Variants in MEMO1 observed in about 807,000 individuals in gnomAD.
The protein encoded by MEMO1 is mediator of cell motility 1.
In MEMO1, 6 loss-of-function variants were observed where a neutral mutation model predicts 45.2. The observed-to-expected ratio is 0.13, with a 90% CI of 0.07 to 0.26. MEMO1 has a LOEUF of 0.26. MEMO1 is among the 10% of genes least tolerant of loss of function. The pLI, the probability that MEMO1 is intolerant of heterozygous loss-of-function variation, is 1.00. For missense variants in MEMO1, 184 were observed against 370.5 expected (o/e 0.50, Z 4.13); for synonymous variants, 78 against 124.3 (o/e 0.63, Z 2.48).
At chr2:31,963,203 C>T (rs1416493043) in intron 2 of MEMO1, 1 of 1,547,904 alleles carries the variant, frequency 6.5e-7, no homozygotes, top group South Asian at 1.2e-5. Context: ...AGCTTGCTGA[C>T]TGCACATCTT....
At chr2:31,983,302 GAT>G (rs1670879782) in intron 2 of MEMO1, among the ~76,000 whole-genome samples, 1 of 152,132 alleles carries the variant, frequency 6.6e-6, no homozygotes, top group Non-Finnish European at 1.5e-5. Flanking sequence ...AAAATGGATA[GAT>G]ACAGAAAGAG....
chr2:31,892,454 A>G (rs1309508550), intron 6 of MEMO1, among the ~76,000 whole-genome samples: 1 of 152,168 alleles, frequency 6.6e-6, no homozygotes, highest in Admixed American at 6.5e-5. Flanking sequence ...TCAGAAGAGC[A>G]CCAATTCAAT....
chr2:31,879,896 C>G (rs1000613390), intron 8 of MEMO1, among the ~76,000 whole-genome samples: 1 of 152,142 alleles, frequency 6.6e-6, no homozygotes, highest in African/African-American at 2.4e-5. Context: ...ATCTGTCCCT[C>G]TTATATTCCC....
intron 2 of MEMO1, among the ~76,000 whole-genome samples, chr2:31,976,561 G>C (rs1297501178): frequency 6.6e-6 from 1 of 150,766 alleles, no homozygotes; most frequent in African/African-American, 2.4e-5. Flanking sequence ...CTGGGTGACA[G>C]AGCAAGACTG....
intron 4 of MEMO1, among the ~76,000 whole-genome samples, chr2:31,923,347 T>G (rs1460458257): frequency 1.3e-5 from 2 of 152,150 alleles, no homozygotes; most frequent in Admixed American, 1.3e-4. Context: ...AAGTTCCTTA[T>G]AGACGACAGA....
intron 8 of MEMO1, 76 bp downstream of exon 8, chr2:31,883,310 G>C (rs963593106): frequency 2.0e-6 from 2 of 988,284 alleles, no homozygotes; most frequent in Non-Finnish European, 3.0e-6. Flanking sequence ...ATTTCAACAT[G>C]TTAAGTCTTG....
Position 31,895,000 on chromosome 2 carries a change from C to T in MEMO1, c.438-2866G>A, listed in dbSNP as rs559769793. 3.8e-4 allele frequency among the ~76,000 whole-genome samples: 58 copies of T among 152,144 alleles called. 1 individual carries two copies. In the South Asian group the frequency reaches 0.01, roughly 27 times the overall value. On this transcript the variant is annotated intron_variant, in intron 6 of 9. Transcript: ENST00000404530. ...TAAATTAAGGAATTGCAGGTGGGAA[C>T]CCTACAAAGCCAAGCTTAAAATTAA...
At chr2:31,905,574 G>C (rs1344170386) in intron 6 of MEMO1, among the ~76,000 whole-genome samples, 1 of 152,092 alleles carries the variant, frequency 6.6e-6, no homozygotes, top group African/African-American at 2.4e-5. Context: ...CTTATAAACT[G>C]GCCAAGTTTG....
At chr2:31,895,200 T>A (rs1038147201) in intron 6 of MEMO1, among the ~76,000 whole-genome samples, 2 of 152,046 alleles carry the variant, frequency 1.3e-5, no homozygotes, top group Non-Finnish European at 2.9e-5. Context: ...ACACAAAATG[T>A]CCAGTTCCAA....
intron 2 of MEMO1, among the ~76,000 whole-genome samples, chr2:31,969,460 A>G (rs1669050498): frequency 6.6e-6 from 1 of 151,624 alleles, no homozygotes; most frequent in South Asian, 2.1e-4. Context: ...TATCACACAT[A>G]TGTGTATAAT....
At chr2:32,004,736 G>A (rs1375351856) in intron 2 of MEMO1, among the ~76,000 whole-genome samples, 1 of 152,002 alleles carries the variant, frequency 6.6e-6, no homozygotes. Flanking sequence ...AGACCAACCT[G>A]GACAACATGG....
At chr2:31,971,009 AAAAC>A (rs1669332004) in intron 2 of MEMO1, among the ~76,000 whole-genome samples, 1 of 152,128 alleles carries the variant, frequency 6.6e-6, no homozygotes, top group Admixed American at 6.6e-5. Flanking sequence ...ATCTCAAAAT[AAAAC>A]AAAGATATTT....
At chr2:31,922,746 G>A (rs559008897) in intron 4 of MEMO1, among the ~76,000 whole-genome samples, 10 of 151,920 alleles carry the variant, frequency 6.6e-5, no homozygotes, top group African/African-American at 2.2e-4. Context: ...CTGTTCCTAC[G>A]GGAGTTTGCT....
At chr2:31,978,953 T>C (rs1193225412) in intron 2 of MEMO1, among the ~76,000 whole-genome samples, 1 of 152,098 alleles carries the variant, frequency 6.6e-6, no homozygotes, top group East Asian at 1.9e-4. Context: ...TATGAAATGA[T>C]TATCCATCCC....
chr2:31,967,216 C>T (rs957479308), intron 2 of MEMO1, among the ~76,000 whole-genome samples: 4 of 151,564 alleles, frequency 2.6e-5, no homozygotes, highest in Admixed American at 6.6e-5. Flanking sequence ...CTCCGCCTCC[C>T]GGGTTCACAC....
intron 6 of MEMO1, among the ~76,000 whole-genome samples, chr2:31,912,793 T>C (rs999049880): frequency 3.1e-4 from 47 of 152,318 alleles, no homozygotes; most frequent in African/African-American, 1.1e-3. Flanking sequence ...CAGTAAACAC[T>C]GGCTGAGTAG....
chr2:31,960,805 T>A (rs1667926580), intron 2 of MEMO1, among the ~76,000 whole-genome samples: 1 of 151,978 alleles, frequency 6.6e-6, no homozygotes, highest in Non-Finnish European at 1.5e-5. Flanking sequence ...AGACTGCTCT[T>A]GAGCTCCTGA....
chr2:31,914,949 CCTGT>C (rs1404385834), intron 6 of MEMO1, among the ~76,000 whole-genome samples: 1 of 142,816 alleles, frequency 7.0e-6, no homozygotes, highest in African/African-American at 2.6e-5. Flanking sequence ...AGAATGAGAC[CCTGT>C]CTCTTTTTAA....
intron 2 of MEMO1, among the ~76,000 whole-genome samples, chr2:31,996,236 A>G (rs992725835): frequency 6.6e-6 from 1 of 151,020 alleles, no homozygotes; most frequent in South Asian, 2.1e-4. Context: ...GAGAGAGAGA[A>G]AGAAACAATG....
Sources: gnomAD v4.1 joint callset for allele counts (sites outside exome capture counted in the v4.1 genomes callset) on GRCh38, gnomAD v4.1.1 for gene constraint, MANE v1.5 for transcripts, NCBI Gene and HGNC (gene_info 2026-07-23, HGNC 2026-07-21) for gene names.